SEC31B: variants seen among roughly 807,000 people sequenced by gnomAD.
SEC31B encodes protein transport protein Sec31B.
Under a neutral mutation model 135.0 loss-of-function variants are expected in SEC31B, and 113 were observed. The ratio of observed to expected loss-of-function variants is 0.84; its 90% CI spans 0.72 to 0.98. The LOEUF (loss-of-function observed/expected upper bound fraction) is 0.98, where lower values mean the gene tolerates loss of function less well. Among genes scored for constraint, SEC31B ranks in the 50% least tolerant of loss-of-function variants. The pLI is 0.00. For synonymous variants in SEC31B, 508 were observed against 549.4 expected (o/e 0.92, Z 1.05); for missense variants, 1,296 against 1,421.1 (o/e 0.91, Z 1.42).
chr10:100,508,553 G>GAAGACCAGACCCCCA, intron 5 of SEC31B: 1 of 462,684 alleles, frequency 2.2e-6, no homozygotes, highest in African/African-American at 2.0e-5. Flanking sequence ...CTCCAAGACA[G>GAAGACCAGACCCCCA]AAGACCAGAC....
At chr10:100,496,135 G>A (rs560245049) in intron 18 of SEC31B, 123 bp downstream of exon 18, 3 of 1,035,970 alleles carry the variant, frequency 2.9e-6, no homozygotes, top group African/African-American at 3.2e-5. Context: ...AGGTGCTTAA[G>A]GGATTCCATC....
At chr10:100,505,591 C>A in intron 9 of SEC31B, 96 bp from the exon 10 acceptor site, 1 of 1,483,334 alleles carries the variant, frequency 6.7e-7, no homozygotes, top group Non-Finnish European at 8.9e-7. Flanking sequence ...CCTTGAGACA[C>A]CCAATTTGAC....
chr10:100,488,720 G>T, intron 24 of SEC31B, 138 bp downstream of exon 24: 1 of 1,196,762 alleles, frequency 8.4e-7, no homozygotes, highest in Non-Finnish European at 1.1e-6. Context: ...CCACATGGAC[G>T]TCAATTAAGT....
chr10:100,516,293 A>T, intron 2 of SEC31B, 74 bp from the exon 3 acceptor site: 1 of 1,525,088 alleles, frequency 6.6e-7, no homozygotes, highest in Non-Finnish European at 8.9e-7. Context: ...TTAAGGAGTG[A>T]AGAAGAGAAG....
chr10:100,496,804 C>T (rs1851418773), intron 17 of SEC31B, among the ~76,000 whole-genome samples: 1 of 152,218 alleles, frequency 6.6e-6, no homozygotes. Flanking sequence ...TCTGTGGTCA[C>T]CCACAGAACA....
chr10:100,496,415 A>G lies in SEC31B; in HGVS notation c.2153T>C (p.Val718Ala). ...PMALQDLMEK[V>A]MVLNRSLEQL... is the part of the protein sequence containing the mutation. ...CTCCAAGCTCCTGTTAAGAACCATCACCTTCTCCATCAGGTCCTGTAAGGG... is the reference window on the plus strand; with the variant it reads ...CTCCAAGCTCCTGTTAAGAACCATCGCCTTCTCCATCAGGTCCTGTAAGGG... Residue 718 changes from valine to alanine, a missense_variant, in exon 18 of 26, where the codon GTG becomes GCG. Transcript: ENST00000370345. 1 of 1,614,038 alleles carries G rather than the reference A, an allele frequency of 6.2e-7. No individual in the cohort carries two copies. The highest frequency in any genetic ancestry group is 8.5e-7 in the Non-Finnish European group (1 of 1,179,992).
intron 5 of SEC31B, 29 bp from the exon 6 acceptor site, chr10:100,508,080 C>T (rs1030074019): frequency 1.2e-6 from 2 of 1,613,290 alleles, no homozygotes; most frequent in Admixed American, 1.7e-5. Flanking sequence ...AGAAAGATGA[C>T]AACTTGTCAC....
intron 9 of SEC31B, chr10:100,505,821 C>A: frequency 6.8e-7 from 1 of 1,461,194 alleles, no homozygotes; most frequent in East Asian, 2.4e-5. Context: ...ACTACAGGGC[C>A]CATCCAATAA....
At chr10:100,497,533 G>T in intron 16 of SEC31B, 134 bp downstream of exon 16, 1 of 1,545,188 alleles carries the variant, frequency 6.5e-7, no homozygotes, top group Non-Finnish European at 8.7e-7. Context: ...TCCTGGCTGA[G>T]CCAGATTCTA....
intron 9 of SEC31B, 183 bp from the exon 10 acceptor site, chr10:100,505,678 G>A (rs961387990): frequency 3.3e-5 from 46 of 1,413,966 alleles, no homozygotes; most frequent in Non-Finnish European, 3.8e-5. Context: ...ATGCAAGTAG[G>A]CTCTTGGAAA....
chr10:100,502,526 G>A, intron 10 of SEC31B, 42 bp from the exon 11 acceptor site: 1 of 1,352,332 alleles, frequency 7.4e-7, no homozygotes, highest in South Asian at 1.3e-5. Flanking sequence ...ATACCTTCAA[G>A]TCAAAAAGTA....
In SEC31B at chr10:100,496,426, C is replaced by T. The variant is rs1851410414; in HGVS notation, c.2142G>A (p.Leu714=). ...QALSPMALQD[L]MEKVMVLNRS... is the part of the protein sequence containing the mutation. ...TGTTAAGAACCATCACCTTCTCCAT[C>T]AGGTCCTGTAAGGGCAAGGATGAGG... The change falls in exon 18 of 26, where the codon CTG becomes CTA. Residue 714 remains leucine, a synonymous_variant. Transcript: ENST00000370345. 4 of 1,614,142 alleles carry T rather than the reference C, an allele frequency of 2.5e-6. No homozygotes were observed. The highest frequency in any genetic ancestry group is 3.4e-6 in the Non-Finnish European group (4 of 1,179,998).
At chr10:100,489,049 C>T (rs1325335141) in intron 23 of SEC31B, 75 bp from the exon 24 acceptor site, 75 of 1,534,050 alleles carry the variant, frequency 4.9e-5, no homozygotes, top group Non-Finnish European at 6.1e-6. Context: ...GGACTAGTCC[C>T]CAGTGACTCA....
At chr10:100,488,417 C>T (rs1589728708) in intron 24 of SEC31B, among the ~76,000 whole-genome samples, 1 of 149,746 alleles carries the variant, frequency 6.7e-6, no homozygotes, top group East Asian at 2.0e-4. Flanking sequence ...CGAGATCGCG[C>T]CACTGCACTC....
intron 9 of SEC31B, 185 bp downstream of exon 9, chr10:100,505,855 T>C (rs2133689957): frequency 2.0e-6 from 3 of 1,494,556 alleles, no homozygotes; most frequent in Non-Finnish European, 2.7e-6. Context: ...GAAGGCCTTC[T>C]TCACATTGTG....
In SEC31B at chr10:100,489,388, G is replaced by A. The variant is rs770967917; in HGVS notation, c.3035C>T (p.Thr1012Ile). The A allele has an allele frequency of 1.9e-6, 3 of 1,613,768 alleles. No individual in the cohort carries two copies. Among genetic ancestry groups the A allele is most frequent in the Non-Finnish European group, 2.5e-6 (3 of 1,179,968 alleles). Residue 1012 changes from threonine (T) to isoleucine (I), a missense_variant, in exon 23 of 26, where the codon ACA becomes ATA. Transcript: ENST00000370345. ...AGTAATTGGTGCTGGGGGCATAAAT[G>A]TCTCTGGCAGCTAAAGAGACAGAAG... The part of the protein sequence containing the change: ...GNLQRNKLPE[T>I]FMPPAPITAP...
In SEC31B at chr10:100,488,030, C is replaced by A. The variant is rs943819322; in HGVS notation, c.3357G>T (p.Gly1119=). The A allele has an allele frequency of 6.2e-7, 1 of 1,613,774 alleles. No homozygotes were observed. Among genetic ancestry groups the A allele is most frequent in the Non-Finnish European group, 8.5e-7 (1 of 1,179,804 alleles). Residue 1119 remains glycine (G), a synonymous_variant, in exon 25 of 26, where the codon GGG becomes GGT. Transcript: ENST00000370345. The stretch of plus-strand genomic sequence containing the variant: ...GAGCACAGCTAGCTGTACTTACTGT[C>A]CCCTCACAGAGCTTCTCATATAGAT... ...LEYLYEKLCE[G]TLSPHVVAGL...
chr10:100,502,616 G>A (rs951230822), intron 10 of SEC31B, 132 bp from the exon 11 acceptor site: 2 of 636,862 alleles, frequency 3.1e-6, no homozygotes, highest in African/African-American at 3.7e-5. Context: ...AGAGTTCCTG[G>A]GGGGTGGAAT....
chr10:100,518,647 C>T (rs550844833), intron 1 of SEC31B, among the ~76,000 whole-genome samples: 1 of 152,152 alleles, frequency 6.6e-6, no homozygotes, highest in African/African-American at 2.4e-5. Flanking sequence ...AGGTCCCATC[C>T]CAACAGGCTA....
Sources: allele counts gnomAD v4.1 joint callset (sites outside exome capture counted in the v4.1 genomes callset), GRCh38; gene constraint gnomAD v4.1.1; transcripts MANE v1.5; gene names NCBI Gene and HGNC (gene_info 2026-07-23, HGNC 2026-07-21).